The following CNKSR2 variants were observed in gnomAD, a reference collection of about 807,000 sequenced individuals.
CNKSR2 encodes connector enhancer of kinase suppressor of Ras 2, also known as CNK homolog protein 2.
CNKSR2 carries 14 observed loss-of-function variants against 84.4 expected under a neutral mutation model. That is an observed-to-expected ratio of 0.17 (90% CI 0.11 to 0.26). The LOEUF (loss-of-function observed/expected upper bound fraction) is 0.26. CNKSR2 is among the 10% of genes least tolerant of loss of function. The pLI is 1.00. For synonymous variants in CNKSR2, 275 were observed against 277.9 expected, an observed-to-expected ratio of 0.99 and a Z score of 0.10; for missense variants, 485 against 771.2, an observed-to-expected ratio of 0.63 and a Z score of 4.40.
chrX:21,640,823 T>C (rs2092689329), intron 20 of CNKSR2, among the ~76,000 whole-genome samples: 2 of 112,611 alleles, frequency 1.8e-5, no homozygotes, highest in Non-Finnish European at 3.8e-5. Context: ...CAAATTGTTA[T>C]TAGTTTCTCA....
At chrX:21,513,840 A>G (rs1192327246) in intron 8 of CNKSR2, among the ~76,000 whole-genome samples, 1 of 112,152 alleles carries the variant, frequency 8.9e-6, no homozygotes, top group Non-Finnish European at 1.9e-5. Flanking sequence ...CATCCATAAC[A>G]AACAGTCCTG....
chrX:21,578,039 C>T lies in CNKSR2; in HGVS notation c.1609-12533C>T, dbSNP rs182362535. ...TTTTCACTAGTTTTGACTCTGACAG[C>T]AATTGGCAATGGACCAAAGTGCATA... On this transcript the variant is annotated intron_variant, in intron 13 of 21. Coordinates refer to ENST00000379510, the MANE Select transcript of CNKSR2 (RefSeq NM_014927.5). Among the ~76,000 whole-genome samples the T allele has an allele frequency of 2.6e-3, 294 of 111,299 alleles. 3 individuals are homozygous for T. The highest frequency in any genetic ancestry group is 9.0e-3 in the African/African-American group (277 of 30,685).
At chrX:21,594,852 G>A (rs2092442709) in intron 15 of CNKSR2, 122 bp from the exon 16 acceptor site, 1 of 462,303 alleles carries the variant, frequency 2.2e-6, no homozygotes, top group Non-Finnish European at 3.7e-6. Context: ...TCTCTAAAAT[G>A]TCAAATTTAA....
intron 4 of CNKSR2, among the ~76,000 whole-genome samples, chrX:21,448,495 TATA>T (rs1278885786): frequency 1.8e-5 from 2 of 111,772 alleles, no homozygotes; most frequent in African/African-American, 6.5e-5. Flanking sequence ...AAGCATTTAT[TATA>T]TCATATTGTA....
intron 20 of CNKSR2, among the ~76,000 whole-genome samples, chrX:21,621,370 G>C (rs1160616366): frequency 9.0e-6 from 1 of 110,923 alleles, no homozygotes; most frequent in Non-Finnish European, 1.9e-5. Context: ...ATTTATTTCT[G>C]TTAAATTTTT....
intron 1 of CNKSR2, among the ~76,000 whole-genome samples, chrX:21,411,830 C>A (rs2090349919): frequency 9.0e-6 from 1 of 111,322 alleles, no homozygotes; most frequent in Admixed American, 9.6e-5. Flanking sequence ...TAACATGATT[C>A]TCTCTCAATA....
chrX:21,554,651 A>G (rs2092122215), intron 11 of CNKSR2, among the ~76,000 whole-genome samples: 1 of 111,564 alleles, frequency 9.0e-6, no homozygotes, highest in Non-Finnish European at 1.9e-5. Context: ...GGTCCCTGCA[A>G]ACAACATGAT....
At position 21,652,426 on chromosome X, in the gene CNKSR2, A is replaced by G. The variant is rs945685621; in HGVS notation, c.3010A>G (p.Thr1004Ala). The change falls in exon 22 of 22, where the codon ACC (threonine) becomes GCC (alanine). Residue 1004 changes from threonine (T) to alanine (A), a missense_variant. Around this residue, in one of 5 missense-constraint regions of CNKSR2, gnomAD observed 210 missense variants for 291.5 expected, o/e 0.72. Coordinates refer to ENST00000379510, the MANE Select transcript of CNKSR2 (RefSeq NM_014927.5). ...LDLFLDICQN[T>A]TSNDPLSISS... Reference sequence around the variant, plus strand: ...CCTTTTCTTGGATATCTGTCAAAATACCACCTCAAATGACCCACTGAGTAT... The same window carrying G: ...CCTTTTCTTGGATATCTGTCAAAATGCCACCTCAAATGACCCACTGAGTAT... 10 of 1,209,059 alleles carry G rather than the reference A, an allele frequency of 8.3e-6. No individual in the cohort carries two copies. In the Middle Eastern group the frequency reaches 9.2e-4, roughly 111 times the overall value.
chrX:21,500,960 G>A lies in CNKSR2; in HGVS notation c.742-560G>A, dbSNP rs182124495. ...TTGCTTTGCTAGATTATTCAGAATT[G>A]GTGTTACTGATGAAATAAATTAGCA... On this transcript the variant is annotated intron_variant, in intron 7 of 21. Coordinates refer to ENST00000379510, the MANE Select transcript of CNKSR2 (RefSeq NM_014927.5). 4.0e-4 allele frequency among the ~76,000 whole-genome samples: 45 copies of A among 111,199 alleles called. No homozygotes were observed. The South Asian group carries it at 7.0e-3, about 17-fold the overall frequency.
chrX:21,551,531 T>C (rs1451869663), intron 11 of CNKSR2, among the ~76,000 whole-genome samples: 1 of 112,334 alleles, frequency 8.9e-6, no homozygotes, highest in Non-Finnish European at 1.9e-5. Flanking sequence ...GATGAAATAG[T>C]GTTCCCTTAT....
chrX:21,565,789 T>G (rs936151180), intron 13 of CNKSR2, among the ~76,000 whole-genome samples: 8 of 110,814 alleles, frequency 7.2e-5, no homozygotes, highest in African/African-American at 2.6e-4. Flanking sequence ...ATTGGTGGGG[T>G]TTTTACTAGG....
At chrX:21,416,183 G>A (rs2090419546) in intron 1 of CNKSR2, among the ~76,000 whole-genome samples, 1 of 111,718 alleles carries the variant, frequency 9.0e-6, no homozygotes, top group East Asian at 2.8e-4. Context: ...TGCTTTTTCA[G>A]CATCAAATGA....
intron 1 of CNKSR2, among the ~76,000 whole-genome samples, chrX:21,381,812 C>G (rs139914457): frequency 2.7e-5 from 3 of 111,881 alleles, no homozygotes; most frequent in African/African-American, 9.8e-5. Flanking sequence ...TCACCCTTCA[C>G]GTCTTAGGCT....
At chrX:21,419,484 G>A (rs949269545) in intron 1 of CNKSR2, among the ~76,000 whole-genome samples, 1 of 110,908 alleles carries the variant, frequency 9.0e-6, no homozygotes, top group African/African-American at 3.3e-5. Context: ...GCTGGGCATT[G>A]AAAAGTTAGG....
chrX:21,556,213 C>G (rs2092138756), intron 11 of CNKSR2, among the ~76,000 whole-genome samples: 1 of 111,105 alleles, frequency 9.0e-6, no homozygotes, highest in Non-Finnish European at 1.9e-5. Context: ...TCTTAACAAG[C>G]AGTGAGTTAA....
intron 5 of CNKSR2, among the ~76,000 whole-genome samples, chrX:21,482,629 C>T (rs1260118808): frequency 8.9e-6 from 1 of 111,900 alleles, no homozygotes; most frequent in African/African-American, 3.3e-5. Context: ...GCATAATAGG[C>T]TGTTAGGGGT....
intron 11 of CNKSR2, among the ~76,000 whole-genome samples, chrX:21,541,514 A>C (rs1342964650): frequency 9.0e-6 from 1 of 111,692 alleles, no homozygotes; most frequent in Non-Finnish European, 1.9e-5. Context: ...GACTTTAAGC[A>C]AAATGATGCA....
chrX:21,468,844 A>G (rs2091161912), intron 4 of CNKSR2, among the ~76,000 whole-genome samples: 1 of 111,863 alleles, frequency 8.9e-6, no homozygotes, highest in Non-Finnish European at 1.9e-5. Context: ...CTTATCAATG[A>G]CACTGGAGTG....
chrX:21,536,893 C>G (rs1489076383), intron 11 of CNKSR2, among the ~76,000 whole-genome samples: 2 of 105,078 alleles, frequency 1.9e-5, no homozygotes, highest in African/African-American at 7.0e-5. Flanking sequence ...TTTTCTTCCA[C>G]TAATTTTGAG....
Sources: gnomAD v4.1 joint callset for allele counts (sites outside exome capture counted in the v4.1 genomes callset) on GRCh38, gnomAD v4.1.1 for gene constraint, gnomAD v4.1.1 regional missense constraint, MANE v1.5 for transcripts, NCBI Gene and HGNC (gene_info 2026-07-23, HGNC 2026-07-21) for gene names.